PTPRN2: variants seen among roughly 807,000 people sequenced by gnomAD.
PTPRN2 encodes protein tyrosine phosphatase receptor type N2.
Under a neutral mutation model 118.8 loss-of-function variants are expected in PTPRN2, and 74 were observed. The observed-to-expected ratio is 0.62, with a 90% CI of 0.52 to 0.76. The LOEUF (loss-of-function observed/expected upper bound fraction) is 0.76, where lower values mean the gene tolerates loss of function less well. Ranked by LOEUF, PTPRN2 falls within the 30% of genes least tolerant of loss-of-function variation. The pLI is 0.00. For synonymous variants in PTPRN2, 641 were observed against 608.0 expected (o/e 1.05, Z -0.80); for missense variants, 1,481 against 1,394.4 (o/e 1.06, Z -0.99).
At chr7:157,575,086 C>T (rs916436414) in intron 19 of PTPRN2, among the ~76,000 whole-genome samples, 1 of 152,110 alleles carries the variant, frequency 6.6e-6, no homozygotes, top group Non-Finnish European at 1.5e-5. Context: ...CACTGAGGGT[C>T]GGTGATGTAC....
chr7:158,389,289 C>T (rs566869981), intron 2 of PTPRN2, among the ~76,000 whole-genome samples: 88 of 152,366 alleles, frequency 5.8e-4, no homozygotes, highest in Middle Eastern at 3.4e-3. Context: ...GGCTGCGACG[C>T]ATGTGGAGGA....
intron 3 of PTPRN2, among the ~76,000 whole-genome samples, chr7:158,269,169 T>C (rs1467504563): frequency 6.6e-6 from 1 of 152,048 alleles, no homozygotes; most frequent in Non-Finnish European, 1.5e-5. Context: ...TCAGGGAAAA[T>C]GCCCCAAAGG....
chr7:157,712,488 C>T (rs368917697), intron 12 of PTPRN2, among the ~76,000 whole-genome samples: 3 of 152,156 alleles, frequency 2.0e-5, no homozygotes, highest in Admixed American at 6.5e-5. Flanking sequence ...GGGTGGCTCA[C>T]GCCTGTAATC....
At chr7:158,377,672 G>A (rs138144178) in intron 2 of PTPRN2, among the ~76,000 whole-genome samples, 134 of 152,302 alleles carry the variant, frequency 8.8e-4, no homozygotes, top group East Asian at 1.2e-3. Flanking sequence ...ACAGGAAACC[G>A]GCATCGGTGG....
At chr7:158,080,132 C>T (rs1812684158) in intron 11 of PTPRN2, among the ~76,000 whole-genome samples, 1 of 152,000 alleles carries the variant, frequency 6.6e-6, no homozygotes, top group Admixed American at 6.6e-5. Context: ...CAATTCGCTC[C>T]ATCCCTTAGA....
rs1418429522 is a variant in PTPRN2, at chr7:157,627,379, T to C, written c.2197-5870A>G. On this transcript the variant is annotated intron_variant, in intron 14 of 22. Transcript: ENST00000389418. This position sits in a 1 kb window ranked among gnomAD's most constrained non-coding sequence, Gnocchi z 4.2. ...CAGTGAAGGCGGGATTGCACCACAATGCGTGCTCACATCAGGAAATCCATG... is the reference window on the plus strand; with the variant it reads ...CAGTGAAGGCGGGATTGCACCACAACGCGTGCTCACATCAGGAAATCCATG... Among the ~76,000 whole-genome samples the C allele has an allele frequency of 6.6e-6, 1 of 152,202 alleles. No homozygotes were observed. The highest frequency in any genetic ancestry group is 2.4e-5 in the African/African-American group (1 of 41,448).
At chr7:158,496,341 T>C in intron 1 of PTPRN2, among the ~76,000 whole-genome samples, 1 of 73,774 alleles carries the variant, frequency 1.4e-5, no homozygotes, top group Admixed American at 1.6e-4. Context: ...TCCCCTTCCC[T>C]GTGCCCCCTT....
intron 2 of PTPRN2, among the ~76,000 whole-genome samples, chr7:158,324,551 C>A (rs1322520796): frequency 6.6e-6 from 1 of 151,824 alleles, no homozygotes; most frequent in Non-Finnish European, 1.5e-5. Context: ...CTCGCAAGTT[C>A]TCAGGTGGCC....
chr7:157,995,089 A>G (rs1295415698), intron 11 of PTPRN2, among the ~76,000 whole-genome samples: 8 of 101,346 alleles, frequency 7.9e-5, no homozygotes, highest in Admixed American at 2.3e-4. Context: ...AATCAATGCC[A>G]CGTCCCCAGC....
At chr7:157,736,256 G>A (rs146675630) in intron 12 of PTPRN2, among the ~76,000 whole-genome samples, 34 of 152,304 alleles carry the variant, frequency 2.2e-4, no homozygotes, top group African/African-American at 7.9e-4. Flanking sequence ...GAGATTCAGG[G>A]TTTAACTCTG....
chr7:158,170,636 AGAT>A (rs1823456206), intron 5 of PTPRN2, among the ~76,000 whole-genome samples: 1 of 152,254 alleles, frequency 6.6e-6, no homozygotes, highest in African/African-American at 2.4e-5. Context: ...GCTACTCAAT[AGAT>A]GATTGCAGAC....
intron 2 of PTPRN2, among the ~76,000 whole-genome samples, chr7:158,371,515 T>C (rs1482648118): frequency 1.3e-5 from 2 of 152,126 alleles, no homozygotes; most frequent in Non-Finnish European, 2.9e-5. Context: ...CGAGGAGGCA[T>C]ATTTTCCTAC....
intron 10 of PTPRN2, among the ~76,000 whole-genome samples, chr7:158,108,077 C>T (rs911329250): frequency 4.6e-5 from 7 of 151,916 alleles, no homozygotes; most frequent in Non-Finnish European, 1.0e-4. Flanking sequence ...TGCATTCACC[C>T]TGTGCCTGGT....
chr7:157,844,841 T>C (rs1341750078), intron 12 of PTPRN2, among the ~76,000 whole-genome samples: 1 of 152,248 alleles, frequency 6.6e-6, no homozygotes, highest in Non-Finnish European at 1.5e-5. Flanking sequence ...TGTGGTGTTC[T>C]GTCTACCGCA....
intron 3 of PTPRN2, among the ~76,000 whole-genome samples, chr7:158,277,779 G>C (rs943753131): frequency 6.6e-6 from 1 of 152,206 alleles, no homozygotes; most frequent in African/African-American, 2.4e-5. Flanking sequence ...TGGGAAAGAG[G>C]AGCAGCCCAG....
intron 12 of PTPRN2, among the ~76,000 whole-genome samples, chr7:157,734,814 C>T (rs1039920507): frequency 2.0e-5 from 3 of 152,216 alleles, no homozygotes; most frequent in Non-Finnish European, 2.9e-5. Context: ...TGGATGAACC[C>T]GGGACCAGCA....
In PTPRN2 at chr7:157,585,466, G is replaced by A. The variant is rs1800624475; in HGVS notation, c.2497-7326C>T. ...ATCCTGCCGCATAGGGGTTCCCACG[G>A]TGGGAATGCACTCACACACTGGACT... On this transcript the variant is annotated intron_variant, in intron 17 of 22. Transcript: ENST00000389418. The surrounding 1 kb of genome is among the most constrained non-coding windows in gnomAD (Gnocchi z 5.2). Among the ~76,000 whole-genome samples, 4 of 152,214 alleles carry A rather than the reference G, an allele frequency of 2.6e-5. No homozygotes were observed. The South Asian group carries it at 8.3e-4, about 32-fold the overall frequency.
intron 13 of PTPRN2, among the ~76,000 whole-genome samples, chr7:157,677,879 A>G (rs1362272564): frequency 2.0e-5 from 3 of 152,138 alleles, no homozygotes; most frequent in African/African-American, 7.2e-5. Context: ...CTGTGCCGCC[A>G]TGGAGTATGG....
At chr7:158,387,577 A>AAGAACTCTCTG (rs1586542379) in intron 2 of PTPRN2, among the ~76,000 whole-genome samples, 1 of 151,184 alleles carries the variant, frequency 6.6e-6, no homozygotes, top group Non-Finnish European at 1.5e-5. Flanking sequence ...CTGTCAGCTC[A>AAGAACTCTCTG]GCTTGGCCCG....
Sources: allele counts gnomAD v4.1 joint callset (sites outside exome capture counted in the v4.1 genomes callset), GRCh38; gene constraint gnomAD v4.1.1; non-coding constraint Gnocchi (gnomAD v3.1); transcripts MANE v1.5; gene names NCBI Gene and HGNC (gene_info 2026-07-23, HGNC 2026-07-21).